SORCS2: variants seen among roughly 807,000 people sequenced by gnomAD.
SORCS2 encodes the protein sortilin related VPS10 domain containing receptor 2.
A neutral mutation model predicts 141.6 loss-of-function variants in SORCS2; 100 were observed. The ratio of observed to expected loss-of-function variants is 0.71; its 90% CI spans 0.60 to 0.83. The LOEUF is 0.83. Ranked by LOEUF, SORCS2 falls within the 40% of genes least tolerant of loss-of-function variation. The probability of loss-of-function intolerance (pLI) is 0.00; values close to 1 mark genes in which losing one functional copy is unlikely to be tolerated. For synonymous variants in SORCS2, 789 were observed against 676.9 expected (o/e 1.17, Z -2.57); for missense variants, 1,646 against 1,560.2 (o/e 1.05, Z -0.93).
chr4:7,647,059 C>T (rs919617453), intron 4 of SORCS2, among the ~76,000 whole-genome samples: 5 of 152,076 alleles, frequency 3.3e-5, no homozygotes, highest in East Asian at 1.9e-4. Context: ...CTGGGAATGA[C>T]GCTGTCCCGA....
rs1018494141 is a variant in SORCS2, at chr4:7,683,038, T to C, written c.1488+149T>C. The C allele has an allele frequency of 3.3e-5, 35 of 1,055,370 alleles. 1 individual carries two copies. The highest frequency in any genetic ancestry group is 4.3e-5 in the Non-Finnish European group (32 of 752,362). The allele number at this position is 1,055,370 out of a possible 1,614,324, so 65.4% of individuals were successfully genotyped here. On this transcript the variant is annotated intron_variant, in intron 10 of 26. Coordinates refer to ENST00000507866, the MANE Select transcript of SORCS2 (RefSeq NM_020777.3). ...TTTCTGCTGGGTGTGGTAGAGAGGG[T>C]CAAATGAAACTCCTTGTTTTACAGA...
At chr4:7,425,334 C>A (rs562872127) in intron 2 of SORCS2, among the ~76,000 whole-genome samples, 1 of 152,178 alleles carries the variant, frequency 6.6e-6, no homozygotes, top group Non-Finnish European at 1.5e-5. Context: ...GGGCAAGAGA[C>A]GTCCCCTTGA....
At position 7,740,620 on chromosome 4, in the gene SORCS2, G is replaced by A. The variant is rs758732440; in HGVS notation, c.*356G>A. 12 of 350,818 alleles carry A rather than the reference G, an allele frequency of 3.4e-5. No individual in the cohort carries two copies. Among genetic ancestry groups the A allele is most frequent in the Non-Finnish European group, 4.9e-5 (9 of 184,568 alleles). The allele number at this position is 350,818 out of a possible 1,614,324, so 21.7% of individuals were successfully genotyped here. A position where few individuals can be genotyped will look rare whatever the true frequency, so the allele number is the denominator to read the frequency against. ...CGTCCTGGAGCCCTCCCAGTACCTCGGGCTGCAAGAGCTGCAGACCCGTTC... is the reference window on the plus strand; with the variant it reads ...CGTCCTGGAGCCCTCCCAGTACCTCAGGCTGCAAGAGCTGCAGACCCGTTC... On this transcript the variant is annotated 3_prime_UTR_variant, in exon 27 of 27. Transcript: ENST00000507866.
chr4:7,287,756 G>A (rs1274578880), intron 1 of SORCS2, among the ~76,000 whole-genome samples: 1 of 152,196 alleles, frequency 6.6e-6, no homozygotes, highest in Non-Finnish European at 1.5e-5. Context: ...TATTGATCCC[G>A]TGCTGTGGGC....
intron 3 of SORCS2, among the ~76,000 whole-genome samples, chr4:7,545,647 G>A (rs1332696326): frequency 6.6e-6 from 1 of 152,138 alleles, no homozygotes; most frequent in Non-Finnish European, 1.5e-5. Flanking sequence ...ACGACTCTCT[G>A]AGACCCAAAC....
chr4:7,692,160 C>A (rs1724299026), intron 11 of SORCS2, among the ~76,000 whole-genome samples: 1 of 152,202 alleles, frequency 6.6e-6, no homozygotes, highest in African/African-American at 2.4e-5. Flanking sequence ...CTGCTGGGAG[C>A]AGGAGGAAAA....
chr4:7,636,327 C>CG (rs1297951139), intron 3 of SORCS2, among the ~76,000 whole-genome samples: 1 of 152,232 alleles, frequency 6.6e-6, no homozygotes, highest in Non-Finnish European at 1.5e-5. Flanking sequence ...CTGCGGCGCC[C>CG]GGTGCCTGTG....
intron 2 of SORCS2, among the ~76,000 whole-genome samples, chr4:7,482,712 ACGC>A: frequency 1.2e-5 from 1 of 83,524 alleles, no homozygotes; most frequent in African/African-American, 6.0e-5. Context: ...GACACCCCTG[ACGC>A]TGTTCAGACC....
chr4:7,517,254 C>T (rs1162597111), intron 2 of SORCS2, among the ~76,000 whole-genome samples: 4 of 152,192 alleles, frequency 2.6e-5, no homozygotes, highest in African/African-American at 9.7e-5. Flanking sequence ...AACATCTTCC[C>T]ACTCAAAACT....
intron 5 of SORCS2, among the ~76,000 whole-genome samples, chr4:7,660,035 G>T (rs1421082133): frequency 6.6e-6 from 1 of 152,164 alleles, no homozygotes; most frequent in Non-Finnish European, 1.5e-5. Flanking sequence ...AACCATTCGG[G>T]ATCATTCAAG....
intron 11 of SORCS2, among the ~76,000 whole-genome samples, chr4:7,691,308 G>A (rs1258841695): frequency 1.3e-5 from 2 of 152,242 alleles, no homozygotes; most frequent in Non-Finnish European, 2.9e-5. Context: ...GTGAATGAGT[G>A]AGTGAAGGGA....
chr4:7,194,226 C>T (rs1727035286), intron 1 of SORCS2, among the ~76,000 whole-genome samples: 1 of 152,094 alleles, frequency 6.6e-6, no homozygotes. Context: ...CCCTAGGAGA[C>T]CTCTTCTCGC....
intron 1 of SORCS2, among the ~76,000 whole-genome samples, chr4:7,258,199 G>A (rs1369485444): frequency 1.3e-5 from 2 of 152,156 alleles, no homozygotes; most frequent in African/African-American, 4.8e-5. Flanking sequence ...TGCAGAACGT[G>A]CAGGTTTGTT....
chr4:7,627,559 C>G (rs918746519), intron 3 of SORCS2, among the ~76,000 whole-genome samples: 13 of 152,174 alleles, frequency 8.5e-5, no homozygotes, highest in African/African-American at 2.9e-4. Flanking sequence ...TTGGCCTTGC[C>G]CTGATTCCCA....
In SORCS2 at chr4:7,373,458, T is replaced by TTTATATATATATATATATATATATA. The variant is rs1553850462; in HGVS notation, c.481-22829_481-22828insTATATATATATATATATATATATAT. On this transcript the variant is annotated intron_variant, in intron 1 of 26. Coordinates refer to ENST00000507866, the MANE Select transcript of SORCS2 (RefSeq NM_020777.3). The stretch of plus-strand genomic sequence containing the variant: ...TGTTGTATTGAATTGTGAGAAACTT[T>TTTATATATATATATATATATATATA]TATATATATATATATATATATTTTT... 6.0e-5 allele frequency among the ~76,000 whole-genome samples: 5 copies of TTTATATATATATATATATATATATA among 82,832 alleles called. 1 individual carries two copies. Among genetic ancestry groups the TTTATATATATATATATATATATATA allele is most frequent in the African/African-American group, 3.6e-4 (5 of 14,056 alleles). 54.3% of individuals were successfully genotyped at this position (82,832 alleles called of 152,430 possible). A position where few individuals can be genotyped will look rare whatever the true frequency, so the allele number is the denominator to read the frequency against.
chr4:7,519,399 G>A (rs1272444880), intron 2 of SORCS2, among the ~76,000 whole-genome samples: 2 of 152,172 alleles, frequency 1.3e-5, no homozygotes, highest in Non-Finnish European at 2.9e-5. Flanking sequence ...GCATAGTTTG[G>A]AACTCAAGTC....
chr4:7,560,609 T>C (rs1044583214), intron 3 of SORCS2, among the ~76,000 whole-genome samples: 2 of 152,100 alleles, frequency 1.3e-5, no homozygotes, highest in African/African-American at 4.8e-5. Context: ...CCCTGGCCCC[T>C]GCACTGACAT....
chr4:7,207,487 C>T (rs1727813977), intron 1 of SORCS2, among the ~76,000 whole-genome samples: 1 of 152,176 alleles, frequency 6.6e-6, no homozygotes. Context: ...CGGGCAGGTT[C>T]AGTGGGCTGC....
At position 7,217,592 on chromosome 4, in the gene SORCS2, A is replaced by G. The variant is rs558026368; in HGVS notation, c.480+24466A>G. ...ACCAGCAAATATTTACTGAGCATCT[A>G]TGAGTGGAAGGCAGTTCCCCAGGGT... is the stretch of plus-strand genomic sequence containing the variant. On this transcript the variant is annotated intron_variant, in intron 1 of 26. Coordinates refer to ENST00000507866, the MANE Select transcript of SORCS2 (RefSeq NM_020777.3). Among the ~76,000 whole-genome samples, 214 of 152,272 alleles carry G rather than the reference A, an allele frequency of 1.4e-3. 1 individual carries two copies. Among genetic ancestry groups the G allele is most frequent in the African/African-American group, 4.6e-3 (190 of 41,560 alleles).
Sources: gnomAD v4.1 joint callset for allele counts (sites outside exome capture counted in the v4.1 genomes callset) on GRCh38, gnomAD v4.1.1 for gene constraint, MANE v1.5 for transcripts, NCBI Gene and HGNC (gene_info 2026-07-23, HGNC 2026-07-21) for gene names.